The following NIN variants were observed in gnomAD, a reference collection of about 807,000 sequenced individuals.
NIN encodes glycogen synthase kinase 3 beta-interacting protein.
Under a neutral mutation model 257.6 loss-of-function variants are expected in NIN, and 137 were observed. That is an observed-to-expected ratio of 0.53 (90% CI 0.46 to 0.61). NIN has a LOEUF of 0.61. NIN is among the 20% of genes least tolerant of loss of function. NIN has a pLI of 0.00. For missense variants in NIN, 2,439 were observed against 2,501.2 expected, an observed-to-expected ratio of 0.98 and a Z score of 0.53; for synonymous variants, 918 against 919.8, an observed-to-expected ratio of 1.00 and a Z score of 0.04.
chr14:50,773,100 A>G lies in NIN; in HGVS notation c.667-5T>C, dbSNP rs778763740. On this transcript the variant is annotated splice_region_variant and splice_polypyrimidine_tract_variant and intron_variant, in intron 7 of 30. Coordinates refer to ENST00000530997, the MANE Select transcript of NIN (RefSeq NM_020921.4). ...ATGGAATACTTCCTCGAGCATCTAGAAAAGAGTCATCACATATTTTAAATA... is the reference window on the plus strand; with the variant it reads ...ATGGAATACTTCCTCGAGCATCTAGGAAAGAGTCATCACATATTTTAAATA... The G allele has an allele frequency of 2.1e-5, 33 of 1,608,806 alleles. No individual in the cohort carries two copies. The highest frequency in any genetic ancestry group is 2.5e-5 in the Non-Finnish European group (30 of 1,176,908).
chr14:50,771,105 A>C, intron 10 of NIN, 113 bp from the exon 11 acceptor site: 10 of 1,340,688 alleles, frequency 7.5e-6, no homozygotes, highest in Non-Finnish European at 1.0e-5. Context: ...AGACAACCAA[A>C]ACCCTCCCAA....
intron 2 of NIN, among the ~76,000 whole-genome samples, chr14:50,826,496 T>C (rs539730525): frequency 6.6e-6 from 1 of 152,318 alleles, no homozygotes; most frequent in East Asian, 1.9e-4. Flanking sequence ...TGCTGCCGAC[T>C]CTGACAGTGG....
rs765123938 is a variant in NIN at position 50,766,857 on chromosome 14, T to G, written c.1468A>C (p.Asn490His). ...TCATATTCTGCCAACTTCTCTGCAT[T>G]TTCTAGAAGCTCATTTTCCAGACGA... Reference protein sequence around the residue: ...NSRLENELLENAEKLAEYENL... With the variant: ...NSRLENELLEHAEKLAEYENL... The change falls in exon 13 of 31, where the codon AAT becomes CAT. Residue 490 changes from asparagine (N) to histidine (H), a missense_variant. Physicochemically the swap from Asn to His is moderately conservative, Grantham distance 68. Around this residue, in one of 3 missense-constraint regions of NIN, gnomAD observed 2,043 missense variants for 2,050.2 expected, o/e 1.00. Transcript: ENST00000530997. 5 of 1,613,922 alleles carry G rather than the reference T, an allele frequency of 3.1e-6. No individual in the cohort carries two copies. Among genetic ancestry groups the G allele is most frequent in the Middle Eastern group, 1.6e-4 (1 of 6,062 alleles).
chr14:50,777,212 T>C, intron 6 of NIN, 73 bp from the exon 7 acceptor site: 1 of 1,236,502 alleles, frequency 8.1e-7, no homozygotes, highest in Non-Finnish European at 1.1e-6. Flanking sequence ...TAAAGAAAAC[T>C]GTGCTTTTTG....
At chr14:50,786,421 A>G (rs961419790) in intron 5 of NIN, among the ~76,000 whole-genome samples, 3 of 152,212 alleles carry the variant, frequency 2.0e-5, no homozygotes, top group Non-Finnish European at 1.5e-5. Flanking sequence ...CTCCAAGACA[A>G]TTCCCGCTGG....
In NIN at chr14:50,743,536, C is replaced by T; in HGVS notation, c.5188-7G>A. ...AAAGACTTGATTTTGCCAACTGTTT[C>T]AGGAAGGGAAAAAGAGGTAAGAGGG... On this transcript the variant is annotated splice_region_variant and splice_polypyrimidine_tract_variant and intron_variant, in intron 23 of 30. Coordinates refer to ENST00000530997, the MANE Select transcript of NIN (RefSeq NM_020921.4). The T allele has an allele frequency of 6.3e-7, 1 of 1,595,278 alleles. No individual in the cohort carries two copies. Among genetic ancestry groups the T allele is most frequent in the Non-Finnish European group, 8.6e-7 (1 of 1,163,236 alleles).
In NIN at chr14:50,782,846, C is replaced by G. The variant is rs986473047; in HGVS notation, c.436-4042G>C. On this transcript the variant is annotated intron_variant, in intron 5 of 30. Coordinates refer to ENST00000530997, the MANE Select transcript of NIN (RefSeq NM_020921.4). ...GTGGGAAGCCCAGGTGCTGCTCAGG[C>G]TGGTGAATGTTGGATGCCAATGCCT... Among the ~76,000 whole-genome samples the G allele has an allele frequency of 1.1e-4, 16 of 152,314 alleles. No homozygotes were observed. The East Asian group carries it at 2.9e-3, about 28-fold the overall frequency.
intron 27 of NIN, among the ~76,000 whole-genome samples, chr14:50,736,613 T>C (rs2040994089): frequency 6.6e-6 from 1 of 152,198 alleles, no homozygotes; most frequent in Non-Finnish European, 1.5e-5. Flanking sequence ...TCCAGGTCCA[T>C]TTTAAACTTC....
At chr14:50,814,188 G>C (rs1277997988) in intron 3 of NIN, among the ~76,000 whole-genome samples, 5 of 152,138 alleles carry the variant, frequency 3.3e-5, no homozygotes, top group African/African-American at 1.2e-4. Flanking sequence ...AAAACCTAAA[G>C]CAACTATATG....
intron 30 of NIN, 147 bp downstream of exon 30, chr14:50,725,805 CA>C: frequency 1.4e-6 from 2 of 1,452,894 alleles, no homozygotes. Flanking sequence ...TGAGGGATAG[CA>C]AATCCTAAGT....
At chr14:50,830,644 C>T (rs2045662781) in intron 1 of NIN, 127 bp from the exon 2 acceptor site, 1 of 166,852 alleles carries the variant, frequency 6.0e-6, no homozygotes, top group South Asian at 2.1e-4. Flanking sequence ...AGCGTCATTT[C>T]CATATGTAAG....
Position 50,739,445 on chromosome 14 carries a change from T to C in NIN, c.5491A>G (p.Asn1831Asp). The change falls in exon 26 of 31, where the codon AAC becomes GAC. Residue 1831 changes from asparagine (N) to aspartate (D), a missense_variant. Asn to Asp is a conservative substitution (Grantham distance 23). Coordinates refer to ENST00000530997, the MANE Select transcript of NIN (RefSeq NM_020921.4). ...EIATHPSGLH[N>D]QQKRLSWDKL... ...TCCCAGGACAGCCTTTTCTGCTGGT[T>C]ATGGAGCCCTGATGGATGAGTAGCT... 2 of 1,614,246 alleles carry C rather than the reference T, an allele frequency of 1.2e-6. No individual in the cohort carries two copies. The highest frequency in any genetic ancestry group is 2.2e-5 in the East Asian group (1 of 44,890).
At position 50,772,940 on chromosome 14, in the gene NIN, A is replaced by AT. The variant is rs2042790586; in HGVS notation, c.813+8dup. On this transcript the variant is annotated intron_variant, in intron 8 of 30. Transcript: ENST00000530997. ...ATTCACAAAGAAAGCACTTCTGCTTATTTTTTACCTGCATGGAAAGGTGCC... is the reference window on the plus strand; with the variant it reads ...ATTCACAAAGAAAGCACTTCTGCTTATTTTTTTACCTGCATGGAAAGGTGCC... The AT allele has an allele frequency of 6.2e-7, 1 of 1,603,642 alleles. No homozygotes were observed. Among genetic ancestry groups the AT allele is most frequent in the African/African-American group, 1.3e-5 (1 of 74,326 alleles).
intron 2 of NIN, among the ~76,000 whole-genome samples, chr14:50,826,093 T>C (rs2045444206): frequency 6.6e-6 from 1 of 152,228 alleles, no homozygotes; most frequent in South Asian, 2.1e-4. Flanking sequence ...TAAGTATGTA[T>C]AATCTGTGCA....
chr14:50,770,937 T>C lies in NIN; in HGVS notation c.1174A>G (p.Lys392Glu). The change falls in exon 11 of 31, where the codon AAG becomes GAG. Residue 392 changes from lysine (K) to glutamate (E), a missense_variant. By Grantham distance (56) the Lys-to-Glu change is moderately conservative. Around this residue, in one of 3 missense-constraint regions of NIN, gnomAD observed 2,043 missense variants for 2,050.2 expected, o/e 1.00. Transcript: ENST00000530997. ...EKEKLRSDLDKAEKLKSLMAS... is the reference protein window; with the variant it reads ...EKEKLRSDLDEAEKLKSLMAS... ...ATTAAAGACTTGAGCTTCTCGGCCT[T>C]GTCCAGATCTGACCGTAGCTTCTCT... 6.2e-7 allele frequency: 1 copy of C among 1,614,216 alleles called. No homozygotes were observed. Among genetic ancestry groups the C allele is most frequent in the Non-Finnish European group, 8.5e-7 (1 of 1,180,040 alleles).
chr14:50,744,392 C>A (rs1364765019), intron 22 of NIN, 27 bp from the exon 23 acceptor site: 4 of 1,610,634 alleles, frequency 2.5e-6, no homozygotes, highest in Non-Finnish European at 3.4e-6. Flanking sequence ...AATGAGCCCT[C>A]CCATCACATC....
At chr14:50,825,298 G>A (rs2045408736) in intron 2 of NIN, among the ~76,000 whole-genome samples, 1 of 152,170 alleles carries the variant, frequency 6.6e-6, no homozygotes, top group Admixed American at 6.5e-5. Flanking sequence ...GAATGGGCAG[G>A]GAGTGTACTA....
chr14:50,747,024 G>A (rs753985452), intron 22 of NIN, among the ~76,000 whole-genome samples: 19 of 152,092 alleles, frequency 1.2e-4, no homozygotes, highest in Non-Finnish European at 2.2e-4. Flanking sequence ...ACTATGCCCA[G>A]CTAATTTTTT....
intron 20 of NIN, among the ~76,000 whole-genome samples, chr14:50,753,136 A>G (rs1445499483): frequency 1.3e-5 from 2 of 152,216 alleles, no homozygotes; most frequent in African/African-American, 4.8e-5. Context: ...ACGGTGGCTC[A>G]CGCCTGTAAT....
Sources: allele counts gnomAD v4.1 joint callset (sites outside exome capture counted in the v4.1 genomes callset), GRCh38; gene constraint gnomAD v4.1.1; regional missense constraint gnomAD v4.1.1; transcripts MANE v1.5; gene names NCBI Gene and HGNC (gene_info 2026-07-23, HGNC 2026-07-21).